Variants in CCDC3 observed in about 807,000 individuals in gnomAD.
CCDC3 encodes coiled-coil domain containing 3, also known as coiled-coil domain-containing protein 3.
CCDC3 carries 24 observed loss-of-function variants against 21.4 expected under a neutral mutation model. The observed-to-expected ratio is 1.12, with a 90% CI of 0.81 to 1.58. CCDC3 has a LOEUF of 1.58. CCDC3 is among the 40% of genes most tolerant of loss of function. The probability of loss-of-function intolerance (pLI) is 0.00; values close to 1 mark genes in which losing one functional copy is unlikely to be tolerated. For synonymous variants in CCDC3, 186 were observed against 166.0 expected (o/e 1.12, Z -0.93); for missense variants, 425 against 360.9 (o/e 1.18, Z -1.44).
intron 2 of CCDC3, among the ~76,000 whole-genome samples, chr10:12,957,152 C>G (rs933424331): frequency 7.9e-5 from 12 of 152,188 alleles, no homozygotes; most frequent in African/African-American, 2.9e-4. Context: ...GGTCAGTTAG[C>G]AGGCCCAGAT....
intron 4 of CCDC3, among the ~76,000 whole-genome samples, chr10:13,061,903 T>G (rs1836761948): frequency 6.6e-6 from 1 of 152,134 alleles, no homozygotes; most frequent in Non-Finnish European, 1.5e-5. Flanking sequence ...TCCTCAGGAT[T>G]GGGAGGGCCT....
intron 5 of CCDC3, among the ~76,000 whole-genome samples, chr10:13,034,717 A>ACAAACAAT (rs1468731846): frequency 1.9e-4 from 29 of 152,034 alleles, no homozygotes; most frequent in Admixed American, 1.8e-3. Context: ...AAACAAACAA[A>ACAAACAAT]CAAACAAACA....
At chr10:12,927,667 G>A (rs538064550) in intron 2 of CCDC3, among the ~76,000 whole-genome samples, 2 of 152,084 alleles carry the variant, frequency 1.3e-5, no homozygotes, top group Admixed American at 6.5e-5. Context: ...TAATGTAGAC[G>A]CTTAGGAGTG....
chr10:12,940,934 A>G (rs1301446289), intron 2 of CCDC3, among the ~76,000 whole-genome samples: 2 of 148,396 alleles, frequency 1.3e-5, no homozygotes, highest in Non-Finnish European at 3.0e-5. Context: ...GGAATTGCTG[A>G]TCTTTGCACT....
intron 2 of CCDC3, among the ~76,000 whole-genome samples, chr10:12,976,026 G>C (rs1336927238): frequency 6.6e-6 from 1 of 152,178 alleles, no homozygotes; most frequent in Non-Finnish European, 1.5e-5. Flanking sequence ...TAAGCCCTAT[G>C]TCTCTCCTGA....
intron 3 of CCDC3, among the ~76,000 whole-genome samples, chr10:13,091,008 G>A (rs912039473): frequency 3.3e-5 from 5 of 152,146 alleles, no homozygotes; most frequent in African/African-American, 9.7e-5. Flanking sequence ...TCCAAGGGCC[G>A]AAGAACTTGG....
chr10:12,900,271 A>G (rs1834071633), intron 2 of CCDC3, among the ~76,000 whole-genome samples: 3 of 152,136 alleles, frequency 2.0e-5, no homozygotes, highest in African/African-American at 7.2e-5. Flanking sequence ...GTGTGAGCAT[A>G]TATATAAAAA....
intron 2 of CCDC3, among the ~76,000 whole-genome samples, chr10:12,912,650 G>A (rs1834287896): frequency 6.6e-6 from 1 of 151,964 alleles, no homozygotes; most frequent in Admixed American, 6.6e-5. Flanking sequence ...CCCTTTAGTT[G>A]CTTATGCTTT....
At chr10:13,004,656 G>A (rs1032672788), upstream of CCDC3, among the ~76,000 whole-genome samples, 1 of 148,508 alleles carries the variant, frequency 6.7e-6, no homozygotes, top group African/African-American at 2.5e-5. Context: ...CACATTAGGG[G>A]ATCCATGTTG....
At chr10:12,984,525 C>T (rs1321034273) in intron 2 of CCDC3, among the ~76,000 whole-genome samples, 1 of 152,180 alleles carries the variant, frequency 6.6e-6, no homozygotes, top group South Asian at 2.1e-4. Flanking sequence ...AACATAGTTA[C>T]CATCTGACCC....
Position 12,932,670 on chromosome 10 carries a change from T to TTAGCTAC in CCDC3, c.550-33998_550-33992dup, listed in dbSNP as rs1444741416. ...TTTGATTTTTTTTTCTTGTCTTGTA[T>TTAGCTAC]TAGCTACAATAGAACTTCCAATATG... On this transcript the variant is annotated intron_variant, in intron 2 of 2. Transcript: ENST00000378825. Among the ~76,000 whole-genome samples, 6 of 152,354 alleles carry TTAGCTAC rather than the reference T, an allele frequency of 3.9e-5. No individual in the cohort carries two copies. The East Asian group carries it at 1.2e-3, about 29-fold the overall frequency.
intron 4 of CCDC3, among the ~76,000 whole-genome samples, chr10:13,071,846 CCTT>C (rs1489575964): frequency 2.6e-5 from 4 of 152,114 alleles, no homozygotes; most frequent in Non-Finnish European, 4.4e-5. Context: ...CTAAAAAACA[CCTT>C]CTTTTTCCTT....
At chr10:13,098,818 G>T (rs1459923753) in intron 2 of CCDC3, among the ~76,000 whole-genome samples, 1 of 146,466 alleles carries the variant, frequency 6.8e-6, no homozygotes, top group African/African-American at 2.5e-5. Context: ...CCGGGTTCAA[G>T]CGATTCTTCT....
chr10:12,975,207 T>A (rs1394710682), intron 2 of CCDC3, among the ~76,000 whole-genome samples: 1 of 152,126 alleles, frequency 6.6e-6, no homozygotes, highest in Non-Finnish European at 1.5e-5. Flanking sequence ...GGCTCCTTGC[T>A]CTAACAAATG....
chr10:12,971,295 T>C (rs1222140129), intron 2 of CCDC3, among the ~76,000 whole-genome samples: 1 of 152,222 alleles, frequency 6.6e-6, no homozygotes, highest in African/African-American at 2.4e-5. Flanking sequence ...GGGCAGAACA[T>C]GCATGTGGCT....
In CCDC3 at chr10:12,897,565, C is replaced by T. The variant is rs1000457242; in HGVS notation, c.*851G>A. On this transcript the variant is annotated 3_prime_UTR_variant, in exon 3 of 3. Coordinates refer to ENST00000378825, the MANE Select transcript of CCDC3 (RefSeq NM_031455.4). ...CAGAAGTTCACAGCGTCTTGGAGCA[C>T]CTCACTTTGAGTTCAGAGACATTAG... The T allele has an allele frequency of 6.6e-6, 1 of 152,152 alleles. No homozygotes were observed. Among genetic ancestry groups the T allele is most frequent in the Non-Finnish European group, 1.5e-5 (1 of 68,036 alleles). The allele number at this position is 152,152 out of a possible 1,614,324, so 9.4% of individuals were successfully genotyped here.
At chr10:13,080,644 A>T (rs1228474826) in intron 3 of CCDC3, among the ~76,000 whole-genome samples, 1 of 152,346 alleles carries the variant, frequency 6.6e-6, no homozygotes, top group East Asian at 1.9e-4. Context: ...TATAAAGAAA[A>T]TCTTATTCCA....
intron 4 of CCDC3, among the ~76,000 whole-genome samples, chr10:13,059,659 G>C (rs1361173057): frequency 6.6e-6 from 1 of 151,876 alleles, no homozygotes; most frequent in Non-Finnish European, 1.5e-5. Context: ...TTTTTTTTCT[G>C]CCATTTCACT....
At chr10:12,990,286 T>TA (rs1835662217) in intron 2 of CCDC3, among the ~76,000 whole-genome samples, 1 of 150,284 alleles carries the variant, frequency 6.7e-6, no homozygotes, top group African/African-American at 2.5e-5. Flanking sequence ...AAAAAGAATG[T>TA]CTTCACTGAA....
Sources: allele counts gnomAD v4.1 joint callset (sites outside exome capture counted in the v4.1 genomes callset), GRCh38; gene constraint gnomAD v4.1.1; transcripts MANE v1.5; gene names NCBI Gene and HGNC (gene_info 2026-07-23, HGNC 2026-07-21).